Variants in ARF3 observed in about 807,000 individuals in gnomAD.
ARF3 encodes ADP-ribosylation factor 3.
ARF3 carries 5 observed loss-of-function variants against 19.3 expected under a neutral mutation model. The ratio of observed to expected loss-of-function variants is 0.26; its 90% confidence interval spans 0.14 to 0.54. The LOEUF is 0.54. Ranked by LOEUF, ARF3 falls within the 20% of genes least tolerant of loss-of-function variation. The pLI, the probability that ARF3 is intolerant of heterozygous loss-of-function variation, is 0.95. For synonymous variants in ARF3, 71 were observed against 89.2 expected (o/e 0.80, Z 1.15); for missense variants, 77 against 234.2 (o/e 0.33, Z 4.38).
chr12:48,951,569 T>A (rs2463175), intron 1 of ARF3, among the ~76,000 whole-genome samples: 84,947 of 148,652 alleles, frequency 0.57, 24,165 homozygotes, highest in South Asian at 0.75. Flanking sequence ...ATCACAAAAA[T>A]AAATAAATAA....
chr12:48,952,814 G>C (rs1271320011), intron 1 of ARF3, among the ~76,000 whole-genome samples: 1 of 152,222 alleles, frequency 6.6e-6, no homozygotes, highest in Non-Finnish European at 1.5e-5. Context: ...ACTTGCTGCA[G>C]TATTCACGTT....
At chr12:48,951,565 A>AAAAT (rs930367920) in intron 1 of ARF3, among the ~76,000 whole-genome samples, 47 of 149,116 alleles carry the variant, frequency 3.2e-4, no homozygotes, top group East Asian at 9.9e-4. Flanking sequence ...CTCCATCACA[A>AAAAT]AAATAAATAA....
rs138363303 is a variant in ARF3 at position 48,953,680 on chromosome 12, A to G, written c.-94+3630T>C. 2.1e-4 allele frequency among the ~76,000 whole-genome samples: 32 copies of G among 152,308 alleles called. No homozygotes were observed. In the East Asian group the frequency reaches 5.6e-3, roughly 27 times the overall value. ...CTGAGCCATTTCCTTTCTGGTCCACATGGTGTGGCAGATCCTTTGCATAAG... is the reference window on the plus strand; with the variant it reads ...CTGAGCCATTTCCTTTCTGGTCCACGTGGTGTGGCAGATCCTTTGCATAAG... On this transcript the variant is annotated intron_variant, in intron 1 of 4. Coordinates refer to ENST00000256682, the MANE Select transcript of ARF3 (RefSeq NM_001659.3).
intron 1 of ARF3, 98 bp downstream of exon 1, chr12:48,957,212 G>A (rs1940587303): frequency 6.6e-6 from 1 of 152,152 alleles, no homozygotes; most frequent in Non-Finnish European, 1.5e-5. Flanking sequence ...ACGCCAAGCA[G>A]TGCCGGGCGG....
Position 48,939,559 on chromosome 12 carries a change from A to G in ARF3, c.384+96T>C. On this transcript the variant is annotated intron_variant, in intron 4 of 4. Transcript: ENST00000256682. This position sits in a 1 kb window ranked among gnomAD's most constrained non-coding sequence, Gnocchi z 4.8. ...TTCCCACGCTTCTAACATTGAGAGCATACTAAAAGGGTTAACCATATAATA... is the reference window on the plus strand; with the variant it reads ...TTCCCACGCTTCTAACATTGAGAGCGTACTAAAAGGGTTAACCATATAATA... 1 of 1,534,844 alleles carries G rather than the reference A, an allele frequency of 6.5e-7. No individual in the cohort carries two copies. Among genetic ancestry groups the G allele is most frequent in the Non-Finnish European group, 8.9e-7 (1 of 1,121,752 alleles).
At chr12:48,945,531 A>G (rs559763225) in intron 1 of ARF3, among the ~76,000 whole-genome samples, 33 of 151,934 alleles carry the variant, frequency 2.2e-4, no homozygotes, top group Non-Finnish European at 4.3e-4. Flanking sequence ...ATCACACTCC[A>G]GCCCGGGCAG....
intron 1 of ARF3, among the ~76,000 whole-genome samples, chr12:48,951,885 A>C (rs2137594568): frequency 6.6e-6 from 1 of 151,554 alleles, no homozygotes; most frequent in Admixed American, 6.6e-5. Context: ...GTCTCAAAAA[A>C]AAAAACTAAT....
intron 1 of ARF3, among the ~76,000 whole-genome samples, chr12:48,941,966 C>G (rs1940266337): frequency 6.6e-6 from 1 of 152,202 alleles, no homozygotes; most frequent in South Asian, 2.1e-4. Flanking sequence ...TGCAATGAGG[C>G]AGTCATCTCA....
At chr12:48,951,789 G>T (rs1206887460) in intron 1 of ARF3, among the ~76,000 whole-genome samples, 1 of 151,880 alleles carries the variant, frequency 6.6e-6, no homozygotes, top group African/African-American at 2.4e-5. Flanking sequence ...TGAGGCAGGA[G>T]AATGGTTTGA....
intron 1 of ARF3, among the ~76,000 whole-genome samples, chr12:48,955,344 A>G (rs189871503): frequency 6.6e-6 from 1 of 152,310 alleles, no homozygotes; most frequent in East Asian, 1.9e-4. Context: ...ACTCTCCAGG[A>G]TCCCAATTCA....
At chr12:48,952,999 T>C (rs189578075) in intron 1 of ARF3, 45 of 152,306 alleles carry the variant, frequency 3.0e-4, no homozygotes, top group African/African-American at 9.1e-4. Context: ...TTTTTGTGTA[T>C]ACCATGATGA....
Position 48,940,209 on chromosome 12 carries a change from A to G in ARF3, c.149-102T>C, listed in dbSNP as rs559148951. 2.2e-5 allele frequency: 21 copies of G among 937,098 alleles called. No homozygotes were observed. In the Admixed American group the frequency reaches 2.8e-4, roughly 13 times the overall value. 58.0% of individuals were successfully genotyped at this position (937,098 alleles called of 1,614,324 possible). On this transcript the variant is annotated intron_variant, in intron 2 of 4. Coordinates refer to ENST00000256682, the MANE Select transcript of ARF3 (RefSeq NM_001659.3). Reference sequence around the variant, plus strand: ...CTGCTTTCCCCCAGTGGTGGCCATAACACCAACAATGGAACAAAAGCTAAG... The same window carrying G: ...CTGCTTTCCCCCAGTGGTGGCCATAGCACCAACAATGGAACAAAAGCTAAG...
intron 1 of ARF3, chr12:48,953,062 C>CTA (rs1260797952): frequency 2.6e-5 from 4 of 152,238 alleles, no homozygotes; most frequent in African/African-American, 9.7e-5. Flanking sequence ...CCAGCACAGA[C>CTA]TATGCCTTAT....
At chr12:48,950,250 C>T (rs1426763515) in intron 1 of ARF3, among the ~76,000 whole-genome samples, 1 of 151,724 alleles carries the variant, frequency 6.6e-6, no homozygotes, top group Non-Finnish European at 1.5e-5. Context: ...AGCTGGAGTG[C>T]AGTGGCGTGA....
At position 48,938,914 on chromosome 12, in the gene ARF3, T is replaced by C. The variant is rs753485533; in HGVS notation, c.*33A>G. On this transcript the variant is annotated 3_prime_UTR_variant, in exon 5 of 5. Transcript: ENST00000256682. Reference sequence around the variant, plus strand: ...AGGGTGACAGTAGGTATGTCAGGGGTGGGTGGGGTGCTTTGTTAGGGCTGT... The same window carrying C: ...AGGGTGACAGTAGGTATGTCAGGGGCGGGTGGGGTGCTTTGTTAGGGCTGT... 5.0e-6 allele frequency: 8 copies of C among 1,596,290 alleles called. No individual in the cohort carries two copies. Among genetic ancestry groups the C allele is most frequent in the Non-Finnish European group, 6.8e-6 (8 of 1,171,486 alleles).
At chr12:48,940,225 A>G in intron 2 of ARF3, 118 bp from the exon 3 acceptor site, 1 of 817,464 alleles carries the variant, frequency 1.2e-6, no homozygotes, top group Non-Finnish European at 2.1e-6. Context: ...ACAATGGAAC[A>G]AAAGCTAAGG....
At position 48,939,806 on chromosome 12, in the gene ARF3, T is replaced by G. The variant is rs1940218846; in HGVS notation, c.260-27A>C. ...TAGGAAGGCAGAGCATGGGCTGCAC[T>G]AAGATGACAGGTAACCCCCTCCCCC... On this transcript the variant is annotated intron_variant, in intron 3 of 4. Transcript: ENST00000256682. This position sits in a 1 kb window ranked among gnomAD's most constrained non-coding sequence, Gnocchi z 4.8. 6.2e-7 allele frequency: 1 copy of G among 1,613,194 alleles called. No homozygotes were observed.
Position 48,939,846 on chromosome 12 carries a change from C to T in ARF3, c.260-67G>A. On this transcript the variant is annotated intron_variant, in intron 3 of 4. Coordinates refer to ENST00000256682, the MANE Select transcript of ARF3 (RefSeq NM_001659.3). This position sits in a 1 kb window ranked among gnomAD's most constrained non-coding sequence, Gnocchi z 4.8. ...CCCCCTCCCCCCAACCAAAAGACCA[C>T]ACCTGCCTGACACCCTCCAAATATT... The T allele has an allele frequency of 6.2e-7, 1 of 1,608,490 alleles. No individual in the cohort carries two copies. Among genetic ancestry groups the T allele is most frequent in the Non-Finnish European group, 8.5e-7 (1 of 1,175,874 alleles).
chr12:48,941,485 G>C (rs556500724), intron 1 of ARF3: 1 of 160,324 alleles, frequency 6.2e-6, no homozygotes, highest in East Asian at 1.9e-4. Context: ...GATTTCTGAA[G>C]TCCCTTCAGT....
Sources: gnomAD v4.1 joint callset for allele counts (sites outside exome capture counted in the v4.1 genomes callset) on GRCh38, gnomAD v4.1.1 for gene constraint, Gnocchi (gnomAD v3.1) non-coding constraint, MANE v1.5 for transcripts, NCBI Gene and HGNC (gene_info 2026-07-23, HGNC 2026-07-21) for gene names.